DESI1: variants seen among roughly 807,000 people sequenced by gnomAD.
DESI1 encodes the protein PPPDE peptidase domain containing 2.
In DESI1, 17 loss-of-function variants were observed where a neutral mutation model predicts 22.4. The observed-to-expected ratio is 0.76, with a 90% CI of 0.52 to 1.14. The LOEUF (loss-of-function observed/expected upper bound fraction) is 1.14, where lower values mean the gene tolerates loss of function less well. Ranked by LOEUF, DESI1 falls within the 50% of genes most tolerant of loss-of-function variation. The probability of loss-of-function intolerance (pLI) is 0.00; values close to 1 mark genes in which losing one functional copy is unlikely to be tolerated. For synonymous variants in DESI1, 92 were observed against 84.2 expected (o/e 1.09, Z -0.51); for missense variants, 177 against 208.9 (o/e 0.85, Z 0.94).
rs774808128 is a variant in DESI1, at chr22:41,607,869, GAGA to G, written c.89-11_89-9del. 21 of 1,614,102 alleles carry G rather than the reference GAGA, an allele frequency of 1.3e-5. No individual in the cohort carries two copies. Among genetic ancestry groups the G allele is most frequent in the East Asian group, 2.2e-5 (1 of 44,898 alleles). ...TGCCTTCCAGTTGTTTCCCTGTGGAGAGAAGAAGAGATTTAGCCACTTGGGACT... is the reference window on the plus strand; with the variant it reads ...TGCCTTCCAGTTGTTTCCCTGTGGAGAGAAGAGATTTAGCCACTTGGGACT... On this transcript the variant is annotated splice_polypyrimidine_tract_variant and intron_variant, in intron 1 of 5. Coordinates refer to ENST00000263256, the MANE Select transcript of DESI1 (RefSeq NM_015704.3).
In DESI1 at chr22:41,614,589, C is replaced by CCTTTTTTTTTTT. The variant is rs1279868350; in HGVS notation, c.88+6151_88+6162dup. Among the ~76,000 whole-genome samples, 5 of 20,914 alleles carry CCTTTTTTTTTTT rather than the reference C, an allele frequency of 2.4e-4. 1 individual carries two copies. Among genetic ancestry groups the CCTTTTTTTTTTT allele is most frequent in the Non-Finnish European group, 4.9e-4 (5 of 10,250 alleles). 13.7% of individuals were successfully genotyped at this position (20,914 alleles called of 152,430 possible). The stretch of plus-strand genomic sequence containing the variant: ...GTGAGCTACTGTGCCCGGCCTACAT[C>CCTTTTTTTTTTT]CTTTTTTTTTTTTGAGATGGAGTCT... On this transcript the variant is annotated intron_variant, in intron 1 of 5. Coordinates refer to ENST00000263256, the MANE Select transcript of DESI1 (RefSeq NM_015704.3).
chr22:41,612,206 G>T (rs1055375143), intron 1 of DESI1, among the ~76,000 whole-genome samples: 1 of 152,060 alleles, frequency 6.6e-6, no homozygotes, highest in Non-Finnish European at 1.5e-5. Flanking sequence ...GGTATAGAAC[G>T]AACAAGAGTA....
At chr22:41,604,457 G>C (rs1482719406) in intron 3 of DESI1, among the ~76,000 whole-genome samples, 1 of 151,918 alleles carries the variant, frequency 6.6e-6, no homozygotes, top group Non-Finnish European at 1.5e-5. Flanking sequence ...ATGTTGGTCA[G>C]GCTGGTCTCA....
chr22:41,604,077 T>C lies in DESI1; in HGVS notation c.257A>G (p.Glu86Gly), dbSNP rs747176121. Residue 86 changes from glutamate to glycine, a missense_variant, in exon 4 of 6, where the codon GAG (glutamate) becomes GGG (glycine). Physicochemically the swap from Glu to Gly is moderately conservative, Grantham distance 98. Transcript: ENST00000263256. ...GGACTCCCCCAGGGAGGAGAGGTAC[T>C]CCAGAAAGATTTCTTCTGTGACTTC... ...STEVTEEIFL[E>G]YLSSLGESLF... is the part of the protein sequence containing the mutation. The C allele has an allele frequency of 6.2e-7, 1 of 1,613,812 alleles. No individual in the cohort carries two copies. The highest frequency in any genetic ancestry group is 8.5e-7 in the Non-Finnish European group (1 of 1,179,972).
At chr22:41,602,729 C>T (rs2067456231) in intron 5 of DESI1, 3 of 993,776 alleles carry the variant, frequency 3.0e-6, no homozygotes, top group Non-Finnish European at 3.6e-6. Context: ...TGGGGCACAT[C>T]AGGACAGAAC....
rs1313323976 is a variant in DESI1 at position 41,598,265 on chromosome 22, C to A, written c.*2832G>T. On this transcript the variant is annotated 3_prime_UTR_variant, in exon 6 of 6. Coordinates refer to ENST00000263256, the MANE Select transcript of DESI1 (RefSeq NM_015704.3). ...AGTACGTGACTCATTTCCCACTGTG[C>A]TTGCCTGTTCACATCCAGGCGGAGT... 1 of 152,308 alleles carries A rather than the reference C, an allele frequency of 6.6e-6. No homozygotes were observed. Among genetic ancestry groups the A allele is most frequent in the African/African-American group, 2.4e-5 (1 of 41,450 alleles). The allele number at this position is 152,308 out of a possible 1,614,324, so 9.4% of individuals were successfully genotyped here.
At position 41,615,038 on chromosome 22, in the gene DESI1, C is replaced by A. The variant is rs570126511; in HGVS notation, c.88+5714G>T. Among the ~76,000 whole-genome samples the A allele has an allele frequency of 3.3e-5, 5 of 151,844 alleles. No individual in the cohort carries two copies. In the South Asian group the frequency reaches 1.0e-3, roughly 32 times the overall value. On this transcript the variant is annotated intron_variant, in intron 1 of 5. Transcript: ENST00000263256. ...GTCAGGCCACATGCAGTGGCTCACG[C>A]CTGTAATCCCAGCACTTTTGGAGGC...
At chr22:41,620,132 G>A (rs1293821788) in intron 1 of DESI1, among the ~76,000 whole-genome samples, 1 of 152,172 alleles carries the variant, frequency 6.6e-6, no homozygotes. Flanking sequence ...CTTAGAAACT[G>A]TGGGGAGAAG....
At chr22:41,614,185 C>T (rs746323402) in intron 1 of DESI1, among the ~76,000 whole-genome samples, 31 of 150,274 alleles carry the variant, frequency 2.1e-4, no homozygotes, top group Admixed American at 3.3e-4. Flanking sequence ...TACAGGAGCT[C>T]GCCACCATGC....
intron 1 of DESI1, among the ~76,000 whole-genome samples, chr22:41,613,101 A>C (rs2067528077): frequency 6.6e-6 from 1 of 152,192 alleles, no homozygotes. Flanking sequence ...TATTTAAGTT[A>C]AATAAATGCA....
chr22:41,617,357 G>T lies in DESI1; in HGVS notation c.88+3395C>A, dbSNP rs893243655. On this transcript the variant is annotated intron_variant, in intron 1 of 5. Transcript: ENST00000263256. The stretch of plus-strand genomic sequence containing the variant: ...AGTTGTGGTGAGGATTATAATGCAC[G>T]CAAAGTACTCAGAAAAAAAGGGTCT... Among the ~76,000 whole-genome samples, 3 of 152,102 alleles carry T rather than the reference G, an allele frequency of 2.0e-5. No homozygotes were observed. In the South Asian group the frequency reaches 6.2e-4, roughly 31 times the overall value.
chr22:41,605,171 T>C (rs1200870673), intron 3 of DESI1, among the ~76,000 whole-genome samples: 1 of 152,164 alleles, frequency 6.6e-6, no homozygotes, highest in Admixed American at 6.6e-5. Context: ...CGTGTAATAA[T>C]GGAAAAACGA....
Position 41,598,717 on chromosome 22 carries a change from C to G in DESI1, c.*2380G>C, listed in dbSNP as rs948285773. 3 of 152,458 alleles carry G rather than the reference C, an allele frequency of 2.0e-5. No individual in the cohort carries two copies. Among genetic ancestry groups the G allele is most frequent in the African/African-American group, 7.2e-5 (3 of 41,426 alleles). 9.4% of individuals were successfully genotyped at this position (152,458 alleles called of 1,614,324 possible). On this transcript the variant is annotated 3_prime_UTR_variant, in exon 6 of 6. Coordinates refer to ENST00000263256, the MANE Select transcript of DESI1 (RefSeq NM_015704.3). ...AGGCAGAGGGGTCTGGAGCAGGACC[C>G]TGGAAGACAGAGCCGGGCCAGGCAA...
intron 1 of DESI1, among the ~76,000 whole-genome samples, chr22:41,614,821 G>A (rs1208507620): frequency 4.0e-5 from 6 of 151,160 alleles, no homozygotes; most frequent in Non-Finnish European, 7.4e-5. Context: ...CTGACCTCAG[G>A]TGATCCACCC....
chr22:41,613,163 CAT>C (rs138768210), intron 1 of DESI1, among the ~76,000 whole-genome samples: 2,828 of 152,294 alleles, frequency 0.019, 90 homozygotes, highest in African/African-American at 0.064. Context: ...TCAATAGCCA[CAT>C]GTGACTAGTG....
Position 41,598,072 on chromosome 22 carries a change from A to C in DESI1, c.*3025T>G, listed in dbSNP as rs1392842463. The C allele has an allele frequency of 1.3e-5, 2 of 152,280 alleles. No homozygotes were observed. Among genetic ancestry groups the C allele is most frequent in the Non-Finnish European group, 2.9e-5 (2 of 68,068 alleles). 9.4% of individuals were successfully genotyped at this position (152,280 alleles called of 1,614,324 possible). A position where few individuals can be genotyped will look rare whatever the true frequency, so the allele number is the denominator to read the frequency against. ...TTTATTGCATTAGAAAAAACACCGAAGAAAACCAGCAAACACCTCCGTACT... is the reference window on the plus strand; with the variant it reads ...TTTATTGCATTAGAAAAAACACCGACGAAAACCAGCAAACACCTCCGTACT... On this transcript the variant is annotated 3_prime_UTR_variant, in exon 6 of 6. Coordinates refer to ENST00000263256, the MANE Select transcript of DESI1 (RefSeq NM_015704.3).
chr22:41,620,349 C>A (rs991888451), intron 1 of DESI1, among the ~76,000 whole-genome samples: 1 of 152,076 alleles, frequency 6.6e-6, no homozygotes. Context: ...GGGCACCGCG[C>A]GGCAGGCATC....
intron 3 of DESI1, among the ~76,000 whole-genome samples, chr22:41,605,322 C>T (rs571817304): frequency 6.6e-6 from 1 of 152,150 alleles, no homozygotes; most frequent in Non-Finnish European, 1.5e-5. Context: ...AACCCTCAGC[C>T]ATGTGGTTAA....
At chr22:41,612,048 G>A (rs1442334752) in intron 1 of DESI1, among the ~76,000 whole-genome samples, 1 of 152,116 alleles carries the variant, frequency 6.6e-6, no homozygotes, top group Non-Finnish European at 1.5e-5. Context: ...GGTTTATTGA[G>A]TGACTACTAC....
Sources: gnomAD v4.1 joint callset for allele counts (sites outside exome capture counted in the v4.1 genomes callset) on GRCh38, gnomAD v4.1.1 for gene constraint, MANE v1.5 for transcripts, NCBI Gene and HGNC (gene_info 2026-07-23, HGNC 2026-07-21) for gene names.